The following RIN3 variants were observed in gnomAD, a reference collection of about 807,000 sequenced individuals.
RIN3 encodes Ras and Rab interactor 3.
Under a neutral mutation model 76.3 loss-of-function variants are expected in RIN3, and 54 were observed. The ratio of observed to expected loss-of-function variants is 0.71; its 90% confidence interval spans 0.57 to 0.89. RIN3 has a LOEUF of 0.89. Ranked by LOEUF, RIN3 falls within the 40% of genes least tolerant of loss-of-function variation. The pLI is 0.00. For synonymous variants in RIN3, 576 were observed against 564.0 expected, an observed-to-expected ratio of 1.02 and a Z score of -0.30; for missense variants, 1,256 against 1,322.1, an observed-to-expected ratio of 0.95 and a Z score of 0.78.
intron 4 of RIN3, among the ~76,000 whole-genome samples, chr14:92,638,999 G>T (rs1886880785): frequency 6.6e-6 from 1 of 152,232 alleles, no homozygotes; most frequent in Admixed American, 6.5e-5. Flanking sequence ...CTGAGCAGAG[G>T]TTCCCTGGCA....
chr14:92,525,364 A>G (rs1191270577), intron 1 of RIN3, among the ~76,000 whole-genome samples: 1 of 151,314 alleles, frequency 6.6e-6, no homozygotes, highest in African/African-American at 2.4e-5. Flanking sequence ...GTGTGGGGGG[A>G]TGGTATTGCC....
chr14:92,662,033 A>G (rs1369710112), intron 7 of RIN3, among the ~76,000 whole-genome samples: 1 of 152,264 alleles, frequency 6.6e-6, no homozygotes, highest in Non-Finnish European at 1.5e-5. Flanking sequence ...GACAGCGGAC[A>G]GCCTGCAGAG....
intron 3 of RIN3, among the ~76,000 whole-genome samples, chr14:92,606,331 G>T (rs1276863501): frequency 2.0e-5 from 3 of 152,034 alleles, no homozygotes; most frequent in East Asian, 3.9e-4. Context: ...TTGAGCCCAG[G>T]AGTTCAAGAC....
chr14:92,516,473 T>C (rs925620298), intron 1 of RIN3, among the ~76,000 whole-genome samples: 1 of 152,172 alleles, frequency 6.6e-6, no homozygotes, highest in Non-Finnish European at 1.5e-5. Flanking sequence ...TCCCTTGACC[T>C]TGGCTTCCTG....
rs1296100278 is a variant in RIN3 at position 92,612,738 on chromosome 14, G to A, written c.368-2669G>A. Among the ~76,000 whole-genome samples, 4 of 152,262 alleles carry A rather than the reference G, an allele frequency of 2.6e-5. No homozygotes were observed. The East Asian group carries it at 7.7e-4, about 29-fold the overall frequency. On this transcript the variant is annotated intron_variant, in intron 3 of 9. Transcript: ENST00000216487. ...CTGGGGCCAGGGGAGAGGTTTAATT[G>A]CAAAGAAACAAGCATGAGCCTTAAG...
At chr14:92,649,812 GTC>G (rs1887344723) in intron 5 of RIN3, among the ~76,000 whole-genome samples, 1 of 152,200 alleles carries the variant, frequency 6.6e-6, no homozygotes, top group Non-Finnish European at 1.5e-5. Flanking sequence ...ATGAGACCTG[GTC>G]TCTCTCCACT....
chr14:92,651,470 A>C, intron 5 of RIN3, 112 bp from the exon 6 acceptor site: 4 of 586,388 alleles, frequency 6.8e-6, no homozygotes, highest in East Asian at 3.5e-5. Flanking sequence ...TAGTGAAGCA[A>C]ATGCCTTGAA....
chr14:92,515,782 G>C (rs995732693), intron 1 of RIN3, among the ~76,000 whole-genome samples: 1 of 152,216 alleles, frequency 6.6e-6, no homozygotes, highest in Non-Finnish European at 1.5e-5. Context: ...GGAAACATCC[G>C]TTCAGGCCTG....
At chr14:92,661,649 G>A (rs1333554720) in intron 7 of RIN3, among the ~76,000 whole-genome samples, 4 of 151,750 alleles carry the variant, frequency 2.6e-5, no homozygotes, top group Non-Finnish European at 2.9e-5. Context: ...ACTTGAACCC[G>A]GGAGGCAGAC....
chr14:92,654,449 C>T (rs61639878), intron 6 of RIN3, among the ~76,000 whole-genome samples: 2,026 of 152,318 alleles, frequency 0.013, 51 homozygotes, highest in African/African-American at 0.046. Flanking sequence ...CGTCCCCTGG[C>T]GTCCCTAAGC....
Position 92,641,362 on chromosome 14 carries a change from T to C in RIN3, c.532+33T>C, listed in dbSNP as rs200313470. ...TTCTCCGAGGGGTTAGGGGAGCTGG[T>C]GGGGCGTTAGGAACTGGGGCCCTAG... On this transcript the variant is annotated intron_variant, in intron 5 of 9. Transcript: ENST00000216487. The C allele has an allele frequency of 1.9e-6, 3 of 1,551,742 alleles. No homozygotes were observed. The East Asian group carries it at 6.7e-5, about 35-fold the overall frequency.
In RIN3 at chr14:92,648,145, C is replaced by T. The variant is rs1274517485; in HGVS notation, c.533-3437C>T. Among the ~76,000 whole-genome samples, 1 of 145,010 alleles carries T rather than the reference C, an allele frequency of 6.9e-6. No individual in the cohort carries two copies. Among genetic ancestry groups the T allele is most frequent in the African/African-American group, 2.6e-5 (1 of 38,578 alleles). ...CTGCAATGCCACTGTGGTTCCCTAA[C>T]AGGTCCCAAGACCCCAGGATGCAGC... is the stretch of plus-strand genomic sequence containing the variant. On this transcript the variant is annotated intron_variant, in intron 5 of 9. Coordinates refer to ENST00000216487, the MANE Select transcript of RIN3 (RefSeq NM_024832.5). The surrounding 1 kb of genome is among the most constrained non-coding windows in gnomAD (Gnocchi z 4.1).
At position 92,517,954 on chromosome 14, in the gene RIN3, T is replaced by C. The variant is rs139646892; in HGVS notation, c.44+3978T>C. Among the ~76,000 whole-genome samples, 688 of 152,320 alleles carry C rather than the reference T, an allele frequency of 4.5e-3. 4 individuals carry two copies. The highest frequency in any genetic ancestry group is 0.016 in the African/African-American group (663 of 41,568). ...TTTAAAAGGTCCCTCAAGAAAGTCC[T>C]GCCCTCTGTACCCCAGCCCAGCCCT... On this transcript the variant is annotated intron_variant, in intron 1 of 9. Transcript: ENST00000216487.
In RIN3 at chr14:92,659,390, C is replaced by CT. The variant is rs759347805; in HGVS notation, c.2257dup (p.Tyr753LeufsTer4). The stretch of plus-strand genomic sequence containing the variant: ...AGAAGTTCACCAGCATGCACAAGGC[C>CT]TACTCACCTGAGAAGAAGATCTCCA... On this transcript the variant is annotated frameshift_variant, in exon 7 of 10. Transcript: ENST00000216487. LOFTEE classifies it high-confidence loss of function. 1.2e-6 allele frequency: 2 copies of CT among 1,613,664 alleles called. No homozygotes were observed. Among genetic ancestry groups the CT allele is most frequent in the Non-Finnish European group, 8.5e-7 (1 of 1,179,760 alleles).
In RIN3 at chr14:92,652,861, G is replaced by C; in HGVS notation, c.1812G>C (p.Lys604Asn). Residue 604 changes from lysine to asparagine, a missense_variant, in exon 6 of 10, where the codon AAG (lysine) becomes AAC (asparagine). Physicochemically the swap from Lys to Asn is moderately conservative, Grantham distance 94 (BLOSUM62 0). Coordinates refer to ENST00000216487, the MANE Select transcript of RIN3 (RefSeq NM_024832.5). This position sits in a 1 kb window ranked among gnomAD's most constrained non-coding sequence, Gnocchi z 6.4. ...FLSNNRKLYK[K>N]VVELAQDKGS... is the part of the protein sequence containing the mutation. ...CCAACAACCGCAAGCTGTACAAGAA[G>C]GTGGTGGAGCTGGCGCAGGACAAGG... is the stretch of plus-strand genomic sequence containing the variant. 6.2e-7 allele frequency: 1 copy of C among 1,614,140 alleles called. No homozygotes were observed. The highest frequency in any genetic ancestry group is 8.5e-7 in the Non-Finnish European group (1 of 1,180,040).
At chr14:92,591,402 A>G (rs1345407954) in intron 3 of RIN3, among the ~76,000 whole-genome samples, 1 of 152,174 alleles carries the variant, frequency 6.6e-6, no homozygotes, top group Non-Finnish European at 1.5e-5. Flanking sequence ...GAGAAAAAAG[A>G]AAGGCACAGA....
chr14:92,601,147 G>A (rs1009301517), intron 3 of RIN3, among the ~76,000 whole-genome samples: 4 of 152,192 alleles, frequency 2.6e-5, no homozygotes, highest in Non-Finnish European at 5.9e-5. Context: ...ATCTTAAAAT[G>A]ACAATATTTT....
intron 8 of RIN3, among the ~76,000 whole-genome samples, chr14:92,683,892 T>C (rs1320957565): frequency 1.3e-5 from 2 of 152,208 alleles, no homozygotes; most frequent in East Asian, 3.8e-4. Context: ...CTAAAGCATA[T>C]CAAAGTTCCT....
intron 4 of RIN3, among the ~76,000 whole-genome samples, chr14:92,637,025 T>G (rs4904969): frequency 0.093 from 14,130 of 152,194 alleles, 976 homozygotes; most frequent in East Asian, 0.31. Flanking sequence ...CCAACCTTTT[T>G]GGCACCAGGG....
Sources: allele counts gnomAD v4.1 joint callset (sites outside exome capture counted in the v4.1 genomes callset), GRCh38; gene constraint gnomAD v4.1.1; non-coding constraint Gnocchi (gnomAD v3.1); transcripts MANE v1.5; gene names NCBI Gene and HGNC (gene_info 2026-07-23, HGNC 2026-07-21).